The following MARCHF11 variants were observed in gnomAD, a reference collection of about 807,000 sequenced individuals.
MARCHF11 encodes the protein E3 ubiquitin-protein ligase MARCHF11.
A neutral mutation model predicts 37.3 loss-of-function variants in MARCHF11; 29 were observed. The ratio of observed to expected loss-of-function variants is 0.78; its 90% CI spans 0.58 to 1.06. The LOEUF (loss-of-function observed/expected upper bound fraction) is 1.06, where lower values mean the gene tolerates loss of function less well. Ranked by LOEUF, MARCHF11 falls within the 50% of genes least tolerant of loss-of-function variation. The pLI, the probability that MARCHF11 is intolerant of heterozygous loss-of-function variation, is 0.00. For synonymous variants in MARCHF11, 233 were observed against 228.0 expected, an observed-to-expected ratio of 1.02 and a Z score of -0.20; for missense variants, 482 against 533.4, an observed-to-expected ratio of 0.90 and a Z score of 0.95.
At chr5:16,114,879 G>A (rs1321198123) in intron 2 of MARCHF11, among the ~76,000 whole-genome samples, 1 of 151,996 alleles carries the variant, frequency 6.6e-6, no homozygotes, top group Non-Finnish European at 1.5e-5. Context: ...TTTTTCCACT[G>A]ATTAAATTTA....
chr5:16,172,674 T>C (rs1044421795), intron 2 of MARCHF11, among the ~76,000 whole-genome samples: 4 of 152,222 alleles, frequency 2.6e-5, no homozygotes, highest in Non-Finnish European at 4.4e-5. Context: ...CAGTTTTCAA[T>C]GGTAATTTTT....
At chr5:16,095,388 C>T (rs548086895) in intron 2 of MARCHF11, among the ~76,000 whole-genome samples, 2 of 150,460 alleles carry the variant, frequency 1.3e-5, no homozygotes, top group East Asian at 2.0e-4. Flanking sequence ...CAGCACATAT[C>T]CTCAGTGTCT....
Position 16,091,093 on chromosome 5 carries a change from A to C in MARCHF11, c.694-12T>G. 2 of 1,560,992 alleles carry C rather than the reference A, an allele frequency of 1.3e-6. No individual in the cohort carries two copies. Among genetic ancestry groups the C allele is most frequent in the Non-Finnish European group, 1.7e-6 (2 of 1,154,044 alleles). On this transcript the variant is annotated splice_polypyrimidine_tract_variant and intron_variant, in intron 2 of 3. Transcript: ENST00000332432. Reference sequence around the variant, plus strand: ...GAAATGCTCTGCCACTAAAAGAAAAACAGAGGCATGTAAGAAAGGAGCTGT... The same window carrying C: ...GAAATGCTCTGCCACTAAAAGAAAACCAGAGGCATGTAAGAAAGGAGCTGT...
chr5:16,125,621 G>C (rs55892913), intron 2 of MARCHF11, among the ~76,000 whole-genome samples: 360 of 5,670 alleles, frequency 0.063, 1 homozygote, highest in East Asian at 0.5. Flanking sequence ...CACACTCTCT[G>C]TGTGTGTGTG....
intron 2 of MARCHF11, among the ~76,000 whole-genome samples, chr5:16,126,147 C>T (rs1737402383): frequency 6.6e-6 from 1 of 152,100 alleles, no homozygotes; most frequent in Non-Finnish European, 1.5e-5. Flanking sequence ...TACAGTCAAG[C>T]AGTCATTGTT....
intron 2 of MARCHF11, among the ~76,000 whole-genome samples, chr5:16,103,901 G>A (rs1210429854): frequency 1.3e-5 from 2 of 152,056 alleles, no homozygotes; most frequent in South Asian, 2.1e-4. Flanking sequence ...AGGCATGTAA[G>A]CGAAGTTCTC....
chr5:16,153,520 T>G (rs998418197), intron 2 of MARCHF11, among the ~76,000 whole-genome samples: 7 of 152,020 alleles, frequency 4.6e-5, no homozygotes, highest in African/African-American at 1.7e-4. Context: ...TGTTGTGTTT[T>G]AGAATGTAGA....
chr5:16,110,458 G>A (rs1439356975), intron 2 of MARCHF11, among the ~76,000 whole-genome samples: 1 of 152,126 alleles, frequency 6.6e-6, no homozygotes, highest in East Asian at 1.9e-4. Flanking sequence ...TGAGCAAAGA[G>A]CAGCATCTTC....
intron 2 of MARCHF11, among the ~76,000 whole-genome samples, chr5:16,142,560 A>G (rs778036209): frequency 6.6e-6 from 1 of 152,004 alleles, no homozygotes; most frequent in Non-Finnish European, 1.5e-5. Flanking sequence ...GTTTCGAGGG[A>G]GTATGGTGAG....
At chr5:16,112,987 G>T (rs113497292) in intron 2 of MARCHF11, among the ~76,000 whole-genome samples, 1 of 152,080 alleles carries the variant, frequency 6.6e-6, no homozygotes, top group South Asian at 2.1e-4. Context: ...CTTTTTCGTC[G>T]TAAATTACCC....
chr5:16,120,274 C>G (rs1737289986), intron 2 of MARCHF11, among the ~76,000 whole-genome samples: 1 of 152,198 alleles, frequency 6.6e-6, no homozygotes, highest in East Asian at 1.9e-4. Flanking sequence ...CTCAAGATGA[C>G]TGAAAGAGTG....
rs370943577 is a variant in MARCHF11 at position 16,088,395 on chromosome 5, G to C, written c.886+2494C>G. Among the ~76,000 whole-genome samples the C allele has an allele frequency of 1.6e-4, 25 of 152,204 alleles. No homozygotes were observed. In the East Asian group the frequency reaches 3.5e-3, roughly 21 times the overall value. Reference sequence around the variant, plus strand: ...CTGTTCAACACATAGAAAGTTCCTAGGAAATATTTATCAAACTGAGCTGAG... The same window carrying C: ...CTGTTCAACACATAGAAAGTTCCTACGAAATATTTATCAAACTGAGCTGAG... On this transcript the variant is annotated intron_variant, in intron 3 of 3. Transcript: ENST00000332432.
At chr5:16,103,120 A>AAAAAAAAAC (rs1553995082) in intron 2 of MARCHF11, among the ~76,000 whole-genome samples, 1 of 151,952 alleles carries the variant, frequency 6.6e-6, no homozygotes, top group African/African-American at 2.4e-5. Context: ...AGAAAAAAAA[A>AAAAAAAAAC]AAACAAAACT....
chr5:16,131,399 C>A (rs1737511960), intron 2 of MARCHF11, among the ~76,000 whole-genome samples: 1 of 152,052 alleles, frequency 6.6e-6, no homozygotes, highest in Non-Finnish European at 1.5e-5. Flanking sequence ...ATATTCAATC[C>A]ATTTTGAACT....
chr5:16,170,214 A>G (rs1021979237), intron 2 of MARCHF11, among the ~76,000 whole-genome samples: 1 of 152,170 alleles, frequency 6.6e-6, no homozygotes, highest in African/African-American at 2.4e-5. Flanking sequence ...AATTTCCAAC[A>G]AATTATTCAA....
rs1388845547 is a variant in MARCHF11, at chr5:16,139,120, A to T, written c.693+38606T>A. Among the ~76,000 whole-genome samples, 5 of 152,164 alleles carry T rather than the reference A, an allele frequency of 3.3e-5. No individual in the cohort carries two copies. In the East Asian group the frequency reaches 9.7e-4, roughly 29 times the overall value. Reference sequence around the variant, plus strand: ...TGGGAAGGGCCAGAGGCAGAATGATATGGCTTGGCTATGTCCCCACCCAAA... The same window carrying T: ...TGGGAAGGGCCAGAGGCAGAATGATTTGGCTTGGCTATGTCCCCACCCAAA... On this transcript the variant is annotated intron_variant, in intron 2 of 3. Coordinates refer to ENST00000332432, the MANE Select transcript of MARCHF11 (RefSeq NM_001102562.3).
At chr5:16,075,587 G>T (rs200345418) in intron 3 of MARCHF11, among the ~76,000 whole-genome samples, 10 of 147,268 alleles carry the variant, frequency 6.8e-5, no homozygotes, top group African/African-American at 2.0e-4. Context: ...GAAAGAGAGG[G>T]AGAGAGAGAG....
chr5:16,167,353 C>G (rs535921534), intron 2 of MARCHF11, among the ~76,000 whole-genome samples: 5 of 152,232 alleles, frequency 3.3e-5, no homozygotes, highest in African/African-American at 1.2e-4. Flanking sequence ...GCCTACCAGT[C>G]CAAAGGCTGA....
chr5:16,068,820 G>C (rs1198254476), intron 3 of MARCHF11, among the ~76,000 whole-genome samples: 1 of 152,230 alleles, frequency 6.6e-6, no homozygotes, highest in African/African-American at 2.4e-5. Context: ...TCTTCTCTTT[G>C]AGGAGGCTGA....
Sources: gnomAD v4.1 joint callset for allele counts (sites outside exome capture counted in the v4.1 genomes callset) on GRCh38, gnomAD v4.1.1 for gene constraint, MANE v1.5 for transcripts, NCBI Gene and HGNC (gene_info 2026-07-23, HGNC 2026-07-21) for gene names.